PSMA1: variants seen among roughly 807,000 people sequenced by gnomAD.
PSMA1 encodes the protein proteasome subunit alpha type-1.
A neutral mutation model predicts 38.4 loss-of-function variants in PSMA1; 3 were observed. The ratio of observed to expected loss-of-function variants is 0.08; its 90% CI spans 0.04 to 0.20. PSMA1 has a LOEUF of 0.20. PSMA1 is among the 10% of genes least tolerant of loss of function. The probability of loss-of-function intolerance (pLI) is 1.00; values close to 1 mark genes in which losing one functional copy is unlikely to be tolerated. For synonymous variants in PSMA1, 101 were observed against 107.1 expected (o/e 0.94, Z 0.35); for missense variants, 227 against 325.3 (o/e 0.70, Z 2.32).
At chr11:14,594,080 TTAA>T (rs547006208) in intron 2 of PSMA1, among the ~76,000 whole-genome samples, 60 of 152,344 alleles carry the variant, frequency 3.9e-4, no homozygotes, top group Non-Finnish European at 7.8e-4. Context: ...AAAGCTAATG[TTAA>T]TAATGAGAAT....
intron 1 of PSMA1, among the ~76,000 whole-genome samples, chr11:14,616,289 A>G (rs1852772898): frequency 7.1e-6 from 1 of 141,580 alleles, no homozygotes; most frequent in Non-Finnish European, 1.5e-5. Flanking sequence ...GCTGGAGTGC[A>G]TGGTGCCATC....
chr11:14,517,440 A>G (rs547695736), intron 4 of PSMA1, among the ~76,000 whole-genome samples: 2 of 152,310 alleles, frequency 1.3e-5, no homozygotes, highest in African/African-American at 4.8e-5. Flanking sequence ...GAAAAGTGCT[A>G]ATGTTTAATC....
At chr11:14,555,842 T>G (rs577813107) in intron 2 of PSMA1, among the ~76,000 whole-genome samples, 1 of 152,346 alleles carries the variant, frequency 6.6e-6, no homozygotes, top group South Asian at 2.1e-4. Flanking sequence ...TCTGATACAA[T>G]CATTTTGTTT....
intron 2 of PSMA1, among the ~76,000 whole-genome samples, chr11:14,531,005 C>CTAT (rs1554967977): frequency 6.6e-6 from 1 of 151,702 alleles, no homozygotes; most frequent in East Asian, 1.9e-4. Context: ...GTCTAAAACT[C>CTAT]TATGTTTCTA....
At position 14,505,183 on chromosome 11, in the gene PSMA1, G is replaced by A; in HGVS notation, c.*9C>T. The A allele has an allele frequency of 6.2e-7, 1 of 1,606,826 alleles. No homozygotes were observed. Among genetic ancestry groups the A allele is most frequent in the East Asian group, 2.2e-5 (1 of 44,804 alleles). ...TATTTGATAATACATATATAGACTGGCTTATCACTTAATGTTCCATTGGTT... is the reference window on the plus strand; with the variant it reads ...TATTTGATAATACATATATAGACTGACTTATCACTTAATGTTCCATTGGTT... On this transcript the variant is annotated 3_prime_UTR_variant, in exon 10 of 10. Transcript: ENST00000396394.
At chr11:14,506,312 A>G (rs1379554513) in intron 9 of PSMA1, among the ~76,000 whole-genome samples, 2 of 152,216 alleles carry the variant, frequency 1.3e-5, no homozygotes, top group Admixed American at 6.5e-5. Context: ...TTTAAAATAC[A>G]ATCAGCACTT....
intron 2 of PSMA1, among the ~76,000 whole-genome samples, chr11:14,556,058 T>C (rs1851938234): frequency 6.6e-6 from 1 of 152,220 alleles, no homozygotes; most frequent in South Asian, 2.1e-4. Flanking sequence ...CTCCAGCTGT[T>C]TGAGATGCCC....
intron 1 of PSMA1, among the ~76,000 whole-genome samples, chr11:14,631,304 G>T (rs1438728818): frequency 1.3e-5 from 2 of 152,036 alleles, no homozygotes; most frequent in South Asian, 2.1e-4. Context: ...TGGGCATTTA[G>T]TGCAATAAAT....
At chr11:14,614,500 A>G (rs187359075) in intron 1 of PSMA1, among the ~76,000 whole-genome samples, 1 of 152,236 alleles carries the variant, frequency 6.6e-6, no homozygotes, top group Admixed American at 6.5e-5. Flanking sequence ...TGCCAACTAG[A>G]TATTTCTGTT....
chr11:14,514,063 C>T (rs1851388313), intron 5 of PSMA1, 176 bp from the exon 6 acceptor site: 1 of 1,325,976 alleles, frequency 7.5e-7, no homozygotes, highest in African/African-American at 1.5e-5. Flanking sequence ...TGACTTTCTA[C>T]CGAACCTAAG....
chr11:14,617,934 A>G (rs140339569), intron 1 of PSMA1, among the ~76,000 whole-genome samples: 24 of 152,154 alleles, frequency 1.6e-4, no homozygotes, highest in East Asian at 5.8e-4. Flanking sequence ...TTGAAAATCT[A>G]TTTTGCAACT....
intron 2 of PSMA1, among the ~76,000 whole-genome samples, chr11:14,550,849 A>G (rs1365911030): frequency 2.6e-5 from 4 of 152,182 alleles, no homozygotes; most frequent in Admixed American, 1.3e-4. Context: ...ACACATATAT[A>G]TGTGAGGAAT....
chr11:14,597,279 C>T (rs894235733), intron 2 of PSMA1, among the ~76,000 whole-genome samples: 2 of 152,144 alleles, frequency 1.3e-5, no homozygotes, highest in African/African-American at 4.8e-5. Context: ...AGGGAGGATT[C>T]CCTCTTTTTC....
intron 2 of PSMA1, among the ~76,000 whole-genome samples, chr11:14,586,682 T>C (rs1465295388): frequency 6.6e-6 from 1 of 152,216 alleles, no homozygotes; most frequent in Non-Finnish European, 1.5e-5. Context: ...AGTCTACCTT[T>C]TTTTAGGAAT....
chr11:14,584,500 G>GT (rs765040764), intron 2 of PSMA1, among the ~76,000 whole-genome samples: 2,306 of 133,120 alleles, frequency 0.017, 42 homozygotes, highest in African/African-American at 0.026. Context: ...TGTTTTTTTT[G>GT]TTTTTTGTTT....
At chr11:14,508,547 T>G (rs1466977587) in intron 8 of PSMA1, among the ~76,000 whole-genome samples, 3 of 38,144 alleles carry the variant, frequency 7.9e-5, no homozygotes, top group Non-Finnish European at 1.6e-4. Flanking sequence ...CCTCTTCCAG[T>G]CACCACTCCA....
chr11:14,608,317 T>A (rs1290785711), intron 2 of PSMA1, among the ~76,000 whole-genome samples: 1 of 151,910 alleles, frequency 6.6e-6, no homozygotes, highest in Admixed American at 6.6e-5. Context: ...TGGGTGCACT[T>A]AAGCCTGGGT....
At chr11:14,529,252 GTTA>G (rs757053220) in intron 2 of PSMA1, among the ~76,000 whole-genome samples, 41 of 152,120 alleles carry the variant, frequency 2.7e-4, no homozygotes, top group African/African-American at 8.9e-4. Flanking sequence ...ATCTTACCGT[GTTA>G]TTATGTTTAG....
intron 2 of PSMA1, among the ~76,000 whole-genome samples, chr11:14,558,408 C>A (rs1254832878): frequency 6.6e-6 from 1 of 152,062 alleles, no homozygotes; most frequent in African/African-American, 2.4e-5. Context: ...AGAGTAAGCT[C>A]CTGTCTCTAA....
Sources: gnomAD v4.1 joint callset for allele counts (sites outside exome capture counted in the v4.1 genomes callset) on GRCh38, gnomAD v4.1.1 for gene constraint, MANE v1.5 for transcripts, NCBI Gene and HGNC (gene_info 2026-07-23, HGNC 2026-07-21) for gene names.